Variants in CSDE1 observed in about 807,000 individuals in gnomAD.
CSDE1 encodes the protein cold shock domain-containing protein E1.
Under a neutral mutation model 89.3 loss-of-function variants are expected in CSDE1, and 17 were observed. That is an observed-to-expected ratio of 0.19 (90% CI 0.13 to 0.29). The LOEUF is 0.29. Ranked by LOEUF, CSDE1 falls within the 10% of genes least tolerant of loss-of-function variation. The pLI is 1.00. For synonymous variants in CSDE1, 322 were observed against 332.8 expected (o/e 0.97, Z 0.35); for missense variants, 672 against 984.2 (o/e 0.68, Z 4.24).
chr1:114,746,404 C>T (rs1436716057), intron 2 of CSDE1: 1 of 151,986 alleles, frequency 6.6e-6, no homozygotes, highest in African/African-American at 2.4e-5. Context: ...CGTAATGGAT[C>T]GTTTGTTCCC....
intron 1 of CSDE1, among the ~76,000 whole-genome samples, chr1:114,752,433 T>C (rs1490055480): frequency 1.3e-5 from 2 of 152,038 alleles, no homozygotes. Context: ...GATTCTAAAT[T>C]TAACTACACT....
At chr1:114,744,443 T>C (rs777584414) in intron 2 of CSDE1, among the ~76,000 whole-genome samples, 25 of 151,888 alleles carry the variant, frequency 1.6e-4, no homozygotes, top group Non-Finnish European at 3.1e-4. Context: ...TAGCCAAAAT[T>C]AGCTGGATGC....
intron 9 of CSDE1, among the ~76,000 whole-genome samples, chr1:114,733,122 G>A (rs1447241593): frequency 1.3e-5 from 2 of 152,296 alleles, no homozygotes; most frequent in South Asian, 2.1e-4. Context: ...GGGTAGGGCA[G>A]GGGCAGAGGA....
intron 2 of CSDE1, among the ~76,000 whole-genome samples, chr1:114,744,329 C>T (rs1228660045): frequency 6.6e-6 from 1 of 152,108 alleles, no homozygotes; most frequent in East Asian, 1.9e-4. Flanking sequence ...CGTTTGTAAT[C>T]CTAGCACTTT....
Position 114,747,484 on chromosome 1 carries a change from T to C in CSDE1, c.-1+2337A>G, listed in dbSNP as rs147945995. Among the ~76,000 whole-genome samples, 540 of 152,340 alleles carry C rather than the reference T, an allele frequency of 3.5e-3. 7 individuals are homozygous for C. The highest frequency in any genetic ancestry group is 0.011 in the African/African-American group (478 of 41,578). On this transcript the variant is annotated intron_variant, in intron 2 of 19. Transcript: ENST00000358528. ...AAAATGTTCATGTAGTAAACTAATATTCAGAATACAAAGATTACACTAAAC... is the reference window on the plus strand; with the variant it reads ...AAAATGTTCATGTAGTAAACTAATACTCAGAATACAAAGATTACACTAAAC...
chr1:114,727,473 A>G (rs575264401), intron 12 of CSDE1, among the ~76,000 whole-genome samples: 1 of 152,344 alleles, frequency 6.6e-6, no homozygotes, highest in Non-Finnish European at 1.5e-5. Flanking sequence ...AAGCTGCTGA[A>G]GTATCCTCTT....
At chr1:114,731,207 G>C (rs577446306) in intron 10 of CSDE1, among the ~76,000 whole-genome samples, 50 of 150,874 alleles carry the variant, frequency 3.3e-4, no homozygotes, top group African/African-American at 1.1e-3. Context: ...ATGAAACAAT[G>C]AACACAAATT....
intron 9 of CSDE1, 53 bp from the exon 10 acceptor site, chr1:114,732,869 C>G: frequency 6.9e-7 from 1 of 1,445,208 alleles, no homozygotes; most frequent in Non-Finnish European, 9.7e-7. Context: ...CTTCCTAGTT[C>G]TAAGTCAAAC....
At chr1:114,744,082 T>C (rs1049649431) in intron 2 of CSDE1, among the ~76,000 whole-genome samples, 5 of 152,138 alleles carry the variant, frequency 3.3e-5, no homozygotes, top group Non-Finnish European at 7.4e-5. Flanking sequence ...CATGAAAGTA[T>C]AGGACAAATG....
chr1:114,730,719 C>T lies in CSDE1; in HGVS notation c.1051-71G>A, dbSNP rs974780489. 2.6e-6 allele frequency: 4 copies of T among 1,559,330 alleles called. No homozygotes were observed. In the Admixed American group the frequency reaches 5.1e-5, roughly 20 times the overall value. On this transcript the variant is annotated intron_variant, in intron 10 of 19. Transcript: ENST00000358528. ...AGGCAACATTCAACTTTACAACCAC[C>T]ATCAAGTTAAATTCATCAGGAATTT...
rs753588418 is a variant in CSDE1 at position 114,718,230 on chromosome 1, A to G, written c.2350-14T>C. ...TGCACCAAACCCCTGTGGGGGGGAGAAAAAAAAAACCCTGCAGTTAATGAT... is the reference window on the plus strand; with the variant it reads ...TGCACCAAACCCCTGTGGGGGGGAGGAAAAAAAAACCCTGCAGTTAATGAT... On this transcript the variant is annotated splice_polypyrimidine_tract_variant and intron_variant, in intron 19 of 19. Coordinates refer to ENST00000358528, the MANE Select transcript of CSDE1 (RefSeq NM_001007553.3). 3.3e-6 allele frequency: 5 copies of G among 1,514,888 alleles called. No homozygotes were observed. In the African/African-American group the frequency reaches 4.2e-5, roughly 13 times the overall value. The allele number at this position is 1,514,888 out of a possible 1,614,324, so 93.8% of individuals were successfully genotyped here. A position where few individuals can be genotyped will look rare whatever the true frequency, so the allele number is the denominator to read the frequency against.
chr1:114,718,317 T>G, intron 19 of CSDE1, 101 bp from the exon 20 acceptor site: 1 of 1,363,294 alleles, frequency 7.3e-7, no homozygotes, highest in Non-Finnish European at 1.0e-6. Context: ...AAGCATTATT[T>G]TTAATCATCT....
At chr1:114,742,055 A>T (rs115470983) in intron 2 of CSDE1, among the ~76,000 whole-genome samples, 89 of 152,318 alleles carry the variant, frequency 5.8e-4, no homozygotes, top group Non-Finnish European at 1.1e-3. Flanking sequence ...TTTTCTGCCC[A>T]GAGATAAAAA....
intron 10 of CSDE1, among the ~76,000 whole-genome samples, chr1:114,731,957 G>C (rs1003599052): frequency 6.6e-6 from 1 of 152,100 alleles, no homozygotes; most frequent in Non-Finnish European, 1.5e-5. Context: ...TAGGATTACA[G>C]GTGCCCACCG....
chr1:114,723,964 A>G lies in CSDE1; in HGVS notation c.1792T>C (p.Ser598Pro). The change falls in exon 16 of 20, where the codon TCT (serine) becomes CCT (proline). Residue 598 changes from serine (S) to proline (P), a missense_variant. By Grantham distance (74) the Ser-to-Pro change is moderately conservative (BLOSUM62 -1). This residue lies in a region of CSDE1 where 206 missense variants were observed against 332.4 expected (regional missense o/e 0.62). Coordinates refer to ENST00000358528, the MANE Select transcript of CSDE1 (RefSeq NM_001007553.3). ...CTCAGGGGGCGAATTACTTTGCCAG[A>G]GTAAATGGTGGGATCAGCTTCCTCA... ...ITEEADPTIY[S>P]GKVIRPLRSV... 6.2e-7 allele frequency: 1 copy of G among 1,614,064 alleles called. No homozygotes were observed. Among genetic ancestry groups the G allele is most frequent in the Non-Finnish European group, 8.5e-7 (1 of 1,179,920 alleles).
Position 114,718,221 on chromosome 1 carries a change from G to C in CSDE1, c.2350-5C>G, listed in dbSNP as rs189058114. On this transcript the variant is annotated splice_region_variant and splice_polypyrimidine_tract_variant and intron_variant, in intron 19 of 19. Coordinates refer to ENST00000358528, the MANE Select transcript of CSDE1 (RefSeq NM_001007553.3). The stretch of plus-strand genomic sequence containing the variant: ...CTTTCTTTCTGCACCAAACCCCTGT[G>C]GGGGGGAGAAAAAAAAAACCCTGCA... 1.2e-6 allele frequency: 2 copies of C among 1,611,226 alleles called. No homozygotes were observed. The highest frequency in any genetic ancestry group is 1.7e-5 in the Admixed American group (1 of 59,638).
At chr1:114,745,862 G>C (rs1660983152) in intron 2 of CSDE1, among the ~76,000 whole-genome samples, 1 of 152,158 alleles carries the variant, frequency 6.6e-6, no homozygotes, top group Non-Finnish European at 1.5e-5. Context: ...AAAGTCAAAA[G>C]ACTGGCTTTC....
At position 114,718,469 on chromosome 1, in the gene CSDE1, A is replaced by T. The variant is rs534763290; in HGVS notation, c.2349+144T>A. On this transcript the variant is annotated intron_variant, in intron 19 of 19. Transcript: ENST00000358528. ...AACCATTAGGTTAGGGGGCTGAACC[A>T]ATGTGTAGAAAGTCCTAACTAGTTA... is the stretch of plus-strand genomic sequence containing the variant. 3 of 1,156,886 alleles carry T rather than the reference A, an allele frequency of 2.6e-6. No individual in the cohort carries two copies. In the East Asian group the frequency reaches 7.5e-5, roughly 29 times the overall value. The allele number at this position is 1,156,886 out of a possible 1,614,324, so 71.7% of individuals were successfully genotyped here. A position where few individuals can be genotyped will look rare whatever the true frequency, so the allele number is the denominator to read the frequency against.
chr1:114,755,545 C>A (rs1053730981), intron 1 of CSDE1, among the ~76,000 whole-genome samples: 5 of 152,206 alleles, frequency 3.3e-5, no homozygotes, highest in South Asian at 2.1e-4. Flanking sequence ...GGTACCCACA[C>A]ATGCAAGTGG....
Sources: gnomAD v4.1 joint callset for allele counts (sites outside exome capture counted in the v4.1 genomes callset) on GRCh38, gnomAD v4.1.1 for gene constraint, gnomAD v4.1.1 regional missense constraint, MANE v1.5 for transcripts, NCBI Gene and HGNC (gene_info 2026-07-23, HGNC 2026-07-21) for gene names.